Variants in GCNT4 observed in about 807,000 individuals in gnomAD.
The protein encoded by GCNT4 is glucosaminyl (N-acetyl) transferase 4.
A neutral mutation model predicts 31.3 loss-of-function variants in GCNT4; 17 were observed. The observed-to-expected ratio is 0.54, with a 90% confidence interval of 0.37 to 0.81. The LOEUF (loss-of-function observed/expected upper bound fraction) is 0.81, where lower values mean the gene tolerates loss of function less well. Ranked by LOEUF, GCNT4 falls within the 40% of genes least tolerant of loss-of-function variation. The pLI, the probability that GCNT4 is intolerant of heterozygous loss-of-function variation, is 0.00. For synonymous variants in GCNT4, 158 were observed against 190.6 expected (o/e 0.83, Z 1.41); for missense variants, 503 against 525.5 (o/e 0.96, Z 0.42).
downstream of GCNT4, chr5:75,023,823 A>C (rs1197159925): frequency 6.6e-6 from 1 of 152,240 alleles, no homozygotes; most frequent in Non-Finnish European, 1.5e-5. Context: ...ACAAAAAAAT[A>C]AATTTACCCA....
chr5:75,032,232 G>T (rs190669305), intron 3 of GCNT4, among the ~76,000 whole-genome samples: 6 of 152,090 alleles, frequency 3.9e-5, no homozygotes, highest in Admixed American at 1.3e-4. Context: ...CTGCATACTT[G>T]CCCCCATCTC....
intron 3 of GCNT4, among the ~76,000 whole-genome samples, chr5:75,044,505 G>A (rs369579052): frequency 3.3e-5 from 5 of 151,586 alleles, no homozygotes; most frequent in Non-Finnish European, 5.9e-5. Flanking sequence ...TGACTCAAAC[G>A]GTTACTGCGA....
chr5:75,035,443 G>C (rs1743175099), intron 3 of GCNT4, among the ~76,000 whole-genome samples: 1 of 152,212 alleles, frequency 6.6e-6, no homozygotes, highest in Admixed American at 6.5e-5. Flanking sequence ...ACTGGGGAGA[G>C]AGGAAGAAAG....
intron 3 of GCNT4, among the ~76,000 whole-genome samples, chr5:75,040,621 T>G (rs1054450063): frequency 1.3e-5 from 2 of 152,194 alleles, no homozygotes; most frequent in Non-Finnish European, 2.9e-5. Context: ...GAAAGTCTTA[T>G]GATGTAATGT....
intron 3 of GCNT4, 66 bp from the exon 4 acceptor site, chr5:75,030,104 A>T: frequency 4.8e-6 from 7 of 1,463,264 alleles, no homozygotes; most frequent in Non-Finnish European, 6.5e-6. Context: ...TTTATCCAAA[A>T]TCTACTGGGC....
intron 3 of GCNT4, among the ~76,000 whole-genome samples, chr5:75,040,145 G>A (rs1467448530): frequency 6.6e-6 from 1 of 151,658 alleles, no homozygotes; most frequent in African/African-American, 2.4e-5. Context: ...AGCTGCTCCA[G>A]GAAAAGAAAT....
intron 3 of GCNT4, among the ~76,000 whole-genome samples, chr5:75,039,546 T>C (rs1392724844): frequency 1.3e-5 from 2 of 152,220 alleles, no homozygotes; most frequent in South Asian, 2.1e-4. Context: ...AGCTAGTATA[T>C]TGGAGGAGCA....
At chr5:75,033,630 C>T (rs1743125503) in intron 3 of GCNT4, among the ~76,000 whole-genome samples, 1 of 151,906 alleles carries the variant, frequency 6.6e-6, no homozygotes, top group Non-Finnish European at 1.5e-5. Flanking sequence ...ACCCCTTCAC[C>T]TGCTTACCAC....
chr5:75,045,341 A>G (rs1242571468), intron 3 of GCNT4, among the ~76,000 whole-genome samples: 1 of 152,158 alleles, frequency 6.6e-6, no homozygotes, highest in Non-Finnish European at 1.5e-5. Context: ...GTTTCTACAA[A>G]TTTGTTTACT....
At chr5:75,043,834 A>G (rs78276036) in intron 3 of GCNT4, among the ~76,000 whole-genome samples, 99 of 152,364 alleles carry the variant, frequency 6.5e-4, no homozygotes, top group African/African-American at 2.3e-3. Context: ...AATTTAAACC[A>G]GATTAAAGTG....
intron 3 of GCNT4, among the ~76,000 whole-genome samples, chr5:75,039,049 C>T (rs1743260824): frequency 6.6e-6 from 1 of 152,082 alleles, no homozygotes; most frequent in South Asian, 2.1e-4. Context: ...AGAGATAGCA[C>T]TATTTCCATG....
In GCNT4 at chr5:75,028,063, T is replaced by C. The variant is rs1284372571; in HGVS notation, c.*613A>G. On this transcript the variant is annotated 3_prime_UTR_variant, in exon 4 of 4. Transcript: ENST00000652361. The stretch of plus-strand genomic sequence containing the variant: ...TTATAAATGCCCCCCAACAGTCTCC[T>C]CAACCCTGAATTGACCAAGTAATGC... 6.6e-6 allele frequency: 1 copy of C among 152,630 alleles called. No individual in the cohort carries two copies. 9.5% of individuals were successfully genotyped at this position (152,630 alleles called of 1,614,324 possible).
At chr5:75,030,151 G>A (rs1743031544) in intron 3 of GCNT4, 113 bp from the exon 4 acceptor site, 15 of 941,842 alleles carry the variant, frequency 1.6e-5, no homozygotes, top group Admixed American at 5.1e-5. Context: ...CCCCAAAGAT[G>A]AATGAAACAA....
rs1561372770 is a variant in GCNT4 at position 75,029,157 on chromosome 5, T to C, written c.881A>G (p.His294Arg). The C allele has an allele frequency of 1.2e-6, 2 of 1,613,802 alleles. No individual in the cohort carries two copies. The highest frequency in any genetic ancestry group is 8.5e-7 in the Non-Finnish European group (1 of 1,179,988). ...ACTGCCAACAAATATCTGAATGTTATGGGGGGGTGCTTCCTTGGAGATGTT... is the reference window on the plus strand; with the variant it reads ...ACTGCCAACAAATATCTGAATGTTACGGGGGGGTGCTTCCTTGGAGATGTT... ...RTNISKEAPP[H>R]NIQIFVGSAY... Residue 294 changes from histidine to arginine, a missense_variant, in exon 4 of 4, where the codon CAT (histidine) becomes CGT (arginine). Transcript: ENST00000652361.
intron 3 of GCNT4, among the ~76,000 whole-genome samples, chr5:75,032,899 GT>G (rs1743101762): frequency 8.9e-6 from 1 of 112,742 alleles, no homozygotes; most frequent in Non-Finnish European, 2.1e-5. Context: ...GTGTGTGTGT[GT>G]GTGTGTGTGT....
Position 75,028,600 on chromosome 5 carries a change from T to C in GCNT4, c.*76A>G. On this transcript the variant is annotated 3_prime_UTR_variant, in exon 4 of 4. Coordinates refer to ENST00000652361, the MANE Select transcript of GCNT4 (RefSeq NM_001366737.1). ...TGGGAGGACTGAGTTTAAACAGTATTGGGCATAGTATGGTATTCAATTCCA... is the reference window on the plus strand; with the variant it reads ...TGGGAGGACTGAGTTTAAACAGTATCGGGCATAGTATGGTATTCAATTCCA... 7.4e-7 allele frequency: 1 copy of C among 1,350,184 alleles called. No individual in the cohort carries two copies. The highest frequency in any genetic ancestry group is 2.3e-5 in the East Asian group (1 of 43,542). 83.6% of individuals were successfully genotyped at this position (1,350,184 alleles called of 1,614,324 possible). A position where few individuals can be genotyped will look rare whatever the true frequency, so the allele number is the denominator to read the frequency against.
chr5:75,022,569 T>C (rs909442791), downstream of GCNT4, among the ~76,000 whole-genome samples: 1 of 152,200 alleles, frequency 6.6e-6, no homozygotes, highest in Non-Finnish European at 1.5e-5. Flanking sequence ...CTCCCTCCCC[T>C]TTAATGAGAA....
intron 3 of GCNT4, among the ~76,000 whole-genome samples, chr5:75,032,635 T>C (rs1016190009): frequency 4.6e-5 from 7 of 152,218 alleles, no homozygotes; most frequent in Non-Finnish European, 8.8e-5. Context: ...CTGGTCAGGC[T>C]CATAGCCCAG....
chr5:75,048,759 C>A (rs1202775391), intron 2 of GCNT4, among the ~76,000 whole-genome samples: 1 of 152,174 alleles, frequency 6.6e-6, no homozygotes, highest in Non-Finnish European at 1.5e-5. Context: ...GAAATGAGTT[C>A]ATGTCTGGCT....
Sources: gnomAD v4.1 joint callset for allele counts (sites outside exome capture counted in the v4.1 genomes callset) on GRCh38, gnomAD v4.1.1 for gene constraint, MANE v1.5 for transcripts, NCBI Gene and HGNC (gene_info 2026-07-23, HGNC 2026-07-21) for gene names.